The following RIMS2 variants were observed in gnomAD, a reference collection of about 807,000 sequenced individuals.
The protein encoded by RIMS2 is regulating synaptic membrane exocytosis protein 2.
RIMS2 carries 59 observed loss-of-function variants against 174.4 expected under a neutral mutation model. The observed-to-expected ratio is 0.34, with a 90% CI of 0.27 to 0.42. The LOEUF is 0.42. Ranked by LOEUF, RIMS2 falls within the 10% of genes least tolerant of loss-of-function variation. The pLI, the probability that RIMS2 is intolerant of heterozygous loss-of-function variation, is 1.00. For missense variants in RIMS2, 1,620 were observed against 1,666.3 expected, an observed-to-expected ratio of 0.97 and a Z score of 0.48; for synonymous variants, 606 against 572.5, an observed-to-expected ratio of 1.06 and a Z score of -0.84.
chr8:104,240,732 A>G (rs1169121263), intron 19 of RIMS2, among the ~76,000 whole-genome samples: 1 of 152,154 alleles, frequency 6.6e-6, no homozygotes, highest in Non-Finnish European at 1.5e-5. Context: ...CCAGAGACTC[A>G]GAGAGGGGAT....
At chr8:103,589,068 A>T (rs1482095512) in intron 1 of RIMS2, among the ~76,000 whole-genome samples, 3 of 151,868 alleles carry the variant, frequency 2.0e-5, no homozygotes, top group Middle Eastern at 3.4e-3. Flanking sequence ...TTCAGACAAG[A>T]GAAAGAAATA....
rs141773856 is a variant in RIMS2 at position 103,954,065 on chromosome 8, A to G, written c.2702-7000A>G. On this transcript the variant is annotated intron_variant, in intron 14 of 23. Transcript: ENST00000504942. ...ACAAGAAGAGCTAACTATTCTAACA[A>G]TATATGCATCCAATACCAGAGCACC... 1.7e-3 allele frequency among the ~76,000 whole-genome samples: 258 copies of G among 152,342 alleles called. 3 individuals carry two copies. Among genetic ancestry groups the G allele is most frequent in the African/African-American group, 5.7e-3 (236 of 41,588 alleles).
intron 3 of RIMS2, among the ~76,000 whole-genome samples, chr8:103,830,769 C>T (rs2098820707): frequency 6.7e-6 from 1 of 149,136 alleles, no homozygotes; most frequent in African/African-American, 2.5e-5. Context: ...GCTCTATGTG[C>T]CTTAAAGCTC....
At chr8:104,237,673 A>T (rs187387849) in intron 19 of RIMS2, among the ~76,000 whole-genome samples, 1 of 152,262 alleles carries the variant, frequency 6.6e-6, no homozygotes, top group Admixed American at 6.5e-5. Context: ...TTTGGAATGA[A>T]TGGATTCATG....
At chr8:104,085,318 A>T (rs1045325454) in intron 19 of RIMS2, among the ~76,000 whole-genome samples, 3 of 152,186 alleles carry the variant, frequency 2.0e-5, no homozygotes, top group Non-Finnish European at 2.9e-5. Flanking sequence ...TTGAACTCCA[A>T]TAAGAAAGAA....
intron 13 of RIMS2, among the ~76,000 whole-genome samples, chr8:103,941,197 C>A (rs1372720525): frequency 6.6e-6 from 1 of 152,098 alleles, no homozygotes; most frequent in African/African-American, 2.4e-5. Context: ...AAGAATGAAA[C>A]AACTCCAGGC....
At chr8:103,652,697 A>G (rs2096473662) in intron 1 of RIMS2, 1 of 1,349,022 alleles carries the variant, frequency 7.4e-7, no homozygotes, top group African/African-American at 1.5e-5. Context: ...ACAAAATGAA[A>G]AGGAGCCCCA....
At chr8:103,629,067 C>T (rs1024875) in intron 1 of RIMS2, among the ~76,000 whole-genome samples, 27,689 of 152,054 alleles carry the variant, frequency 0.18, 2,774 homozygotes, top group African/African-American at 0.26. Context: ...GATGCAGGCT[C>T]TCAGCAGAAA....
At chr8:103,698,245 C>G (rs968898057) in intron 2 of RIMS2, among the ~76,000 whole-genome samples, 2 of 151,936 alleles carry the variant, frequency 1.3e-5, no homozygotes, top group African/African-American at 4.8e-5. Context: ...TTTTTCTTGA[C>G]TAGGTACATT....
chr8:103,536,775 C>T (rs999176050), intron 1 of RIMS2, among the ~76,000 whole-genome samples: 1 of 152,182 alleles, frequency 6.6e-6, no homozygotes, highest in Non-Finnish European at 1.5e-5. Context: ...CCAATCACCT[C>T]CCACCAGGTC....
intron 3 of RIMS2, among the ~76,000 whole-genome samples, chr8:103,782,243 A>G (rs1038166392): frequency 2.6e-5 from 4 of 151,750 alleles, no homozygotes; most frequent in Admixed American, 6.6e-5. Context: ...CATACTATAT[A>G]TTGTATTTCC....
intron 4 of RIMS2, among the ~76,000 whole-genome samples, chr8:103,898,509 T>C (rs1652649044): frequency 6.6e-6 from 1 of 151,616 alleles, no homozygotes; most frequent in Admixed American, 6.6e-5. Context: ...GGGCTACTAC[T>C]TGATTGAGTT....
intron 19 of RIMS2, among the ~76,000 whole-genome samples, chr8:104,189,970 C>T (rs559557288): frequency 6.6e-6 from 1 of 152,094 alleles, no homozygotes; most frequent in South Asian, 2.1e-4. Context: ...CTCTCCTAAA[C>T]ACCTCCAGTG....
intron 3 of RIMS2, among the ~76,000 whole-genome samples, chr8:103,849,211 A>G (rs1320605543): frequency 6.6e-6 from 1 of 152,056 alleles, no homozygotes; most frequent in Non-Finnish European, 1.5e-5. Context: ...TACAGCAGTG[A>G]TGGAGTGTTC....
intron 19 of RIMS2, among the ~76,000 whole-genome samples, chr8:104,057,767 G>A (rs2096898873): frequency 7.8e-6 from 1 of 127,496 alleles, no homozygotes; most frequent in Admixed American, 9.9e-5. Flanking sequence ...CCCTTCCTGT[G>A]TCCATGTGTT....
chr8:104,025,197 G>A (rs1419042703), intron 19 of RIMS2, among the ~76,000 whole-genome samples: 1 of 152,110 alleles, frequency 6.6e-6, no homozygotes, highest in Non-Finnish European at 1.5e-5. Context: ...AGAACAAATA[G>A]TTGTCACATA....
chr8:104,083,739 TTGTA>T (rs1462162217), intron 19 of RIMS2, among the ~76,000 whole-genome samples: 2 of 152,102 alleles, frequency 1.3e-5, no homozygotes, highest in Non-Finnish European at 2.9e-5. Flanking sequence ...AGACATGAAA[TTGTA>T]TGTATGTATC....
In RIMS2 at chr8:103,501,012, C is replaced by T. The variant is rs974344369; in HGVS notation, c.126C>T (p.Ala42=). 6 of 1,611,006 alleles carry T rather than the reference C, an allele frequency of 3.7e-6. No individual in the cohort carries two copies. In the African/African-American group the frequency reaches 5.4e-5, roughly 14 times the overall value. ...AGGAGGAGAGGAAAATCATCCTGGC[C>T]GTCATGGATAGGCAGAAGAAAGAAG... is the stretch of plus-strand genomic sequence containing the variant. The change falls in exon 1 of 24, where the codon GCC becomes GCT. Residue 42 remains alanine, a synonymous_variant. Coordinates refer to ENST00000504942, the Ensembl canonical transcript of RIMS2.
chr8:104,096,946 A>G (rs1222052457), intron 19 of RIMS2, among the ~76,000 whole-genome samples: 1 of 152,078 alleles, frequency 6.6e-6, no homozygotes, highest in Admixed American at 6.5e-5. Context: ...TAGGCTTTTG[A>G]ATTTGCTTTT....
Sources: gnomAD v4.1 joint callset for allele counts (sites outside exome capture counted in the v4.1 genomes callset) on GRCh38, gnomAD v4.1.1 for gene constraint, MANE v1.5 for transcripts, NCBI Gene and HGNC (gene_info 2026-07-23, HGNC 2026-07-21) for gene names.